OSBPL5: variants seen among roughly 807,000 people sequenced by gnomAD.
OSBPL5 encodes the protein oxysterol-binding protein-related protein 5.
A neutral mutation model predicts 111.2 loss-of-function variants in OSBPL5; 71 were observed. The observed-to-expected ratio is 0.64, with a 90% confidence interval of 0.53 to 0.78. OSBPL5 has a LOEUF of 0.78. Among genes scored for constraint, OSBPL5 ranks in the 30% least tolerant of loss-of-function variants. The probability of loss-of-function intolerance (pLI) is 0.00; values close to 1 mark genes in which losing one functional copy is unlikely to be tolerated. For missense variants in OSBPL5, 1,210 were observed against 1,189.3 expected (o/e 1.02, Z -0.26); for synonymous variants, 549 against 513.9 (o/e 1.07, Z -0.93).
chr11:3,097,644 C>T (rs1245975340), intron 14 of OSBPL5, among the ~76,000 whole-genome samples: 2 of 152,162 alleles, frequency 1.3e-5, no homozygotes, highest in Non-Finnish European at 2.9e-5. Flanking sequence ...AGTGAGGACA[C>T]AGCAGCAAAC....
chr11:3,104,526 G>T lies in OSBPL5; in HGVS notation c.1060-149C>A. The stretch of plus-strand genomic sequence containing the variant: ...CTGGCCTCCATGGCCTCATGAGGCT[G>T]ACTCAGCCCCATCAGATGTGAACTC... On this transcript the variant is annotated intron_variant, in intron 9 of 21. Coordinates refer to ENST00000263650, the MANE Select transcript of OSBPL5 (RefSeq NM_020896.4). The surrounding 1 kb of genome is among the most constrained non-coding windows in gnomAD (Gnocchi z 5.0). 1 of 790,236 alleles carries T rather than the reference G, an allele frequency of 1.3e-6. No homozygotes were observed. The highest frequency in any genetic ancestry group is 1.9e-5 in the South Asian group (1 of 52,444). The allele number at this position is 790,236 out of a possible 1,614,324, so 49.0% of individuals were successfully genotyped here. A position where few individuals can be genotyped will look rare whatever the true frequency, so the allele number is the denominator to read the frequency against.
Position 3,149,245 on chromosome 11 carries a change from G to A in OSBPL5, c.-22+15971C>T, listed in dbSNP as rs113236659. Among the ~76,000 whole-genome samples the A allele has an allele frequency of 9.9e-3, 1,511 of 152,336 alleles. 23 individuals are homozygous for A. The highest frequency in any genetic ancestry group is 0.034 in the African/African-American group (1,425 of 41,578). Reference sequence around the variant, plus strand: ...CACCACGCTGGAAGTCCCCAAGGCCGGAATGCAGCAGAGGCCCGGGTCAGG... The same window carrying A: ...CACCACGCTGGAAGTCCCCAAGGCCAGAATGCAGCAGAGGCCCGGGTCAGG... On this transcript the variant is annotated intron_variant, in intron 1 of 21. Coordinates refer to ENST00000263650, the MANE Select transcript of OSBPL5 (RefSeq NM_020896.4).
chr11:3,162,864 C>T lies in OSBPL5; in HGVS notation c.-22+2352G>A, dbSNP rs954045582. ...TCCAGGGCAGCATGCCTGTCCCTGT[C>T]GGGAGGCCAGTGGCCCTCACTTGTA... is the stretch of plus-strand genomic sequence containing the variant. On this transcript the variant is annotated intron_variant, in intron 1 of 21. Transcript: ENST00000263650. The surrounding 1 kb of genome is among the most constrained non-coding windows in gnomAD (Gnocchi z 8.1). 2.6e-5 allele frequency among the ~76,000 whole-genome samples: 4 copies of T among 152,152 alleles called. No individual in the cohort carries two copies. The highest frequency in any genetic ancestry group is 5.9e-5 in the Non-Finnish European group (4 of 68,020).
At chr11:3,157,186 G>A (rs535704836) in intron 1 of OSBPL5, among the ~76,000 whole-genome samples, 3 of 152,346 alleles carry the variant, frequency 2.0e-5, no homozygotes, top group Admixed American at 6.5e-5. Context: ...CAGACTCACG[G>A]CCCACGAGGG....
Position 3,109,599 on chromosome 11 carries a change from T to C in OSBPL5, c.692-1654A>G, listed in dbSNP as rs1275813643. ...AGGGGCCTGCCTAGACAGTGGCTCC[T>C]GGGTCTCTAGAGCTGCCCTTCTCAT... On this transcript the variant is annotated intron_variant, in intron 7 of 21. Transcript: ENST00000263650. This position sits in a 1 kb window ranked among gnomAD's most constrained non-coding sequence, Gnocchi z 7.4. 6.6e-6 allele frequency among the ~76,000 whole-genome samples: 1 copy of C among 152,044 alleles called. No homozygotes were observed. The highest frequency in any genetic ancestry group is 2.4e-5 in the African/African-American group (1 of 41,380).
At chr11:3,090,097 A>G in intron 20 of OSBPL5, 149 bp from the exon 21 acceptor site, 2 of 607,654 alleles carry the variant, frequency 3.3e-6, no homozygotes, top group Admixed American at 6.2e-5. Flanking sequence ...CAAGCTGAAG[A>G]CACGGAGATG....
chr11:3,089,706 C>T (rs1856990891), intron 21 of OSBPL5, 140 bp downstream of exon 21: 2 of 738,486 alleles, frequency 2.7e-6, no homozygotes, highest in Admixed American at 4.5e-5. Context: ...CCTTTCATCA[C>T]CCTGCAGGTC....
chr11:3,132,144 A>T (rs944629156), intron 1 of OSBPL5, among the ~76,000 whole-genome samples: 5 of 151,610 alleles, frequency 3.3e-5, no homozygotes, highest in Non-Finnish European at 7.4e-5. Flanking sequence ...TTCACCTCAC[A>T]CTCAGACACA....
chr11:3,140,554 G>C lies in OSBPL5; in HGVS notation c.-21-11385C>G, dbSNP rs1846077542. Among the ~76,000 whole-genome samples, 1 of 152,066 alleles carries C rather than the reference G, an allele frequency of 6.6e-6. No individual in the cohort carries two copies. The highest frequency in any genetic ancestry group is 1.5e-5 in the Non-Finnish European group (1 of 67,992). Reference sequence around the variant, plus strand: ...ACGCAGGGCCTCCCCCAGCAGAGAGGGGCACCGAGGGAAGCCAGGACCCCA... The same window carrying C: ...ACGCAGGGCCTCCCCCAGCAGAGAGCGGCACCGAGGGAAGCCAGGACCCCA... On this transcript the variant is annotated intron_variant, in intron 1 of 21. Coordinates refer to ENST00000263650, the MANE Select transcript of OSBPL5 (RefSeq NM_020896.4). This position sits in a 1 kb window ranked among gnomAD's most constrained non-coding sequence, Gnocchi z 4.5.
In OSBPL5 at chr11:3,129,059, C is replaced by T; in HGVS notation, c.90G>A (p.Arg30=). The T allele has an allele frequency of 6.3e-7, 1 of 1,586,948 alleles. No homozygotes were observed. The highest frequency in any genetic ancestry group is 8.6e-7 in the Non-Finnish European group (1 of 1,167,254). The part of the protein sequence containing the change: ...PQKVDPRKLT[R]NLLLSGDNEL... Reference sequence around the variant, plus strand: ...CATTGTCTCCGCTGAGGAGCAAGTTCCGGGTGAGCTTCCGGGGGTCGACTT... The same window carrying T: ...CATTGTCTCCGCTGAGGAGCAAGTTTCGGGTGAGCTTCCGGGGGTCGACTT... The change falls in exon 2 of 22, where the codon CGG becomes CGA. Residue 30 remains arginine (R), a synonymous_variant. Coordinates refer to ENST00000263650, the MANE Select transcript of OSBPL5 (RefSeq NM_020896.4).
At chr11:3,112,089 G>GCA (rs1858008701) in intron 7 of OSBPL5, among the ~76,000 whole-genome samples, 5 of 116,770 alleles carry the variant, frequency 4.3e-5, no homozygotes, top group South Asian at 3.0e-4. Flanking sequence ...GTGTGTGCAT[G>GCA]TGTGTGTGCA....
rs1858428051 is a variant in OSBPL5 at position 3,121,851 on chromosome 11, G to A, written c.402+146C>T. ...ACAGGTGGATAAGGAAAGGCCTCAT[G>A]AGGAAGGAGCAGAGGCTGCAGTGAT... On this transcript the variant is annotated intron_variant, in intron 5 of 21. Coordinates refer to ENST00000263650, the MANE Select transcript of OSBPL5 (RefSeq NM_020896.4). This position sits in a 1 kb window ranked among gnomAD's most constrained non-coding sequence, Gnocchi z 4.3. The A allele has an allele frequency of 8.6e-6, 6 of 698,696 alleles. No homozygotes were observed. The highest frequency in any genetic ancestry group is 1.4e-5 in the Non-Finnish European group (6 of 414,626). The allele number at this position is 698,696 out of a possible 1,614,324, so 43.3% of individuals were successfully genotyped here.
Position 3,126,163 on chromosome 11 carries a change from A to G in OSBPL5, c.219+310T>C, listed in dbSNP as rs111306430. Among the ~76,000 whole-genome samples the G allele has an allele frequency of 0.02, 3,055 of 152,286 alleles. 111 individuals carry two copies. Among genetic ancestry groups the G allele is most frequent in the African/African-American group, 0.071 (2,929 of 41,538 alleles). ...TTTTGAGAGTTCTATATTATCCTGGAATTACCATGTGACCTAGCAATTCCA... is the reference window on the plus strand; with the variant it reads ...TTTTGAGAGTTCTATATTATCCTGGGATTACCATGTGACCTAGCAATTCCA... On this transcript the variant is annotated intron_variant, in intron 3 of 21. Coordinates refer to ENST00000263650, the MANE Select transcript of OSBPL5 (RefSeq NM_020896.4). This position sits in a 1 kb window ranked among gnomAD's most constrained non-coding sequence, Gnocchi z 6.5.
intron 1 of OSBPL5, among the ~76,000 whole-genome samples, chr11:3,147,159 GGCCTCT>G (rs1290920429): frequency 6.6e-6 from 1 of 152,242 alleles, no homozygotes; most frequent in Admixed American, 6.5e-5. Flanking sequence ...AGGGCTGCAA[GGCCTCT>G]GTGAGGCCTG....
At chr11:3,128,533 G>A (rs958824683) in intron 2 of OSBPL5, among the ~76,000 whole-genome samples, 8 of 152,190 alleles carry the variant, frequency 5.3e-5, no homozygotes, top group Non-Finnish European at 1.2e-4. Flanking sequence ...ACAATTGCAC[G>A]AAGGCAGGCC....
At chr11:3,128,262 G>A (rs116768484) in intron 2 of OSBPL5, among the ~76,000 whole-genome samples, 62 of 152,364 alleles carry the variant, frequency 4.1e-4, no homozygotes, top group African/African-American at 1.4e-3. Flanking sequence ...CAGGGCTGGG[G>A]CTCCCACTTC....
At chr11:3,148,017 C>T (rs1846420519) in intron 1 of OSBPL5, among the ~76,000 whole-genome samples, 1 of 152,198 alleles carries the variant, frequency 6.6e-6, no homozygotes, top group Non-Finnish European at 1.5e-5. Flanking sequence ...TCCGCACGCC[C>T]CCGGCACCCA....
intron 6 of OSBPL5, 41 bp downstream of exon 6, chr11:3,120,380 C>T (rs1858361216): frequency 6.3e-7 from 1 of 1,581,638 alleles, no homozygotes; most frequent in Non-Finnish European, 8.6e-7. Flanking sequence ...GCCCCTTGGC[C>T]CTACGGGGCC....
chr11:3,097,056 G>C (rs1428503413), intron 14 of OSBPL5, among the ~76,000 whole-genome samples: 2 of 31,914 alleles, frequency 6.3e-5, no homozygotes, highest in Non-Finnish European at 1.3e-4. Context: ...AGGAGAAGGA[G>C]AGGAAAGGGG....
Sources: allele counts gnomAD v4.1 joint callset (sites outside exome capture counted in the v4.1 genomes callset), GRCh38; gene constraint gnomAD v4.1.1; non-coding constraint Gnocchi (gnomAD v3.1); transcripts MANE v1.5; gene names NCBI Gene and HGNC (gene_info 2026-07-23, HGNC 2026-07-21).